Variants in WWOX observed in about 807,000 individuals in gnomAD.
WWOX encodes WW domain containing oxidoreductase, also known as WW domain-containing oxidoreductase.
WWOX carries 69 observed loss-of-function variants against 46.2 expected under a neutral mutation model. The observed-to-expected ratio is 1.49, with a 90% CI of 1.23 to 1.82. The LOEUF (loss-of-function observed/expected upper bound fraction) is 1.82, where lower values mean the gene tolerates loss of function less well. Among genes scored for constraint, WWOX ranks in the 40% most tolerant of loss-of-function variants. The pLI is 0.00. For synonymous variants in WWOX, 359 were observed against 202.6 expected (o/e 1.77, Z -6.56); for missense variants, 919 against 542.6 (o/e 1.69, Z -6.89).
rs138874679 is a variant in WWOX, at chr16:78,736,359, T to G, written c.1056+303607T>G. Among the ~76,000 whole-genome samples, 44 of 152,188 alleles carry G rather than the reference T, an allele frequency of 2.9e-4. No individual in the cohort carries two copies. The East Asian group carries it at 8.0e-3, about 28-fold the overall frequency. The stretch of plus-strand genomic sequence containing the variant: ...ACAAGGATGCCAGCAAAGTGAAATT[T>G]TCCAGAGAAGGTCACAAAAGCTAGG... On this transcript the variant is annotated intron_variant, in intron 8 of 8. Coordinates refer to ENST00000566780, the MANE Select transcript of WWOX (RefSeq NM_016373.4).
At chr16:78,524,865 C>CTT (rs370620034) in intron 8 of WWOX, among the ~76,000 whole-genome samples, 152 of 48,514 alleles carry the variant, frequency 3.1e-3, no homozygotes, top group Non-Finnish European at 5.1e-3. Flanking sequence ...GTTTTTCTTT[C>CTT]TTTTTTTTTT....
chr16:79,091,245 A>G (rs943610835), intron 8 of WWOX, among the ~76,000 whole-genome samples: 1 of 152,214 alleles, frequency 6.6e-6, no homozygotes, highest in Non-Finnish European at 1.5e-5. Flanking sequence ...AGCAAAAACA[A>G]AAAACTAAGT....
chr16:78,810,154 T>C (rs1448070747), intron 8 of WWOX, among the ~76,000 whole-genome samples: 1 of 152,200 alleles, frequency 6.6e-6, no homozygotes, highest in Non-Finnish European at 1.5e-5. Flanking sequence ...AATGGTCCTT[T>C]AATATTCTTC....
At chr16:78,565,609 C>T (rs1025714697) in intron 8 of WWOX, among the ~76,000 whole-genome samples, 1 of 152,202 alleles carries the variant, frequency 6.6e-6, no homozygotes, top group East Asian at 1.9e-4. Context: ...TTAATCACAT[C>T]TTCAGAGTCC....
At chr16:78,225,647 T>C (rs2037028999) in intron 5 of WWOX, among the ~76,000 whole-genome samples, 1 of 152,196 alleles carries the variant, frequency 6.6e-6, no homozygotes, top group Non-Finnish European at 1.5e-5. Context: ...AGGATCCAGC[T>C]GATTTTCTCC....
intron 8 of WWOX, among the ~76,000 whole-genome samples, chr16:78,749,707 C>G (rs370563555): frequency 1.3e-5 from 2 of 152,158 alleles, no homozygotes; most frequent in Non-Finnish European, 2.9e-5. Flanking sequence ...TAATATATAT[C>G]TGTGAAAATG....
At chr16:78,211,190 C>T (rs1189706365) in intron 5 of WWOX, among the ~76,000 whole-genome samples, 3 of 152,126 alleles carry the variant, frequency 2.0e-5, no homozygotes, top group Admixed American at 6.5e-5. Context: ...GAGTTTAATT[C>T]CCACGCTGCC....
At chr16:78,741,050 C>A (rs985924744) in intron 8 of WWOX, among the ~76,000 whole-genome samples, 2 of 152,148 alleles carry the variant, frequency 1.3e-5, no homozygotes, top group Non-Finnish European at 2.9e-5. Flanking sequence ...AGCAAAGTCC[C>A]TGTCCAGCCA....
At chr16:79,147,069 A>G (rs2150725997) in intron 8 of WWOX, among the ~76,000 whole-genome samples, 1 of 152,328 alleles carries the variant, frequency 6.6e-6, no homozygotes. Context: ...TATGGATCTT[A>G]TTCAGATTTC....
intron 6 of WWOX, among the ~76,000 whole-genome samples, chr16:78,400,430 G>C (rs754180286): frequency 3.9e-5 from 6 of 152,132 alleles, no homozygotes; most frequent in Non-Finnish European, 8.8e-5. Context: ...GCTGGGAATC[G>C]AACACTGCAG....
intron 5 of WWOX, among the ~76,000 whole-genome samples, chr16:78,335,827 C>T (rs1459283271): frequency 2.0e-5 from 3 of 152,052 alleles, no homozygotes; most frequent in Non-Finnish European, 1.5e-5. Context: ...CATGATGACT[C>T]ACATTTGTAA....
intron 8 of WWOX, among the ~76,000 whole-genome samples, chr16:78,945,965 A>G (rs1019126052): frequency 6.6e-6 from 1 of 152,044 alleles, no homozygotes; most frequent in Non-Finnish European, 1.5e-5. Flanking sequence ...TCAGGCTAAT[A>G]ATCACCTGTC....
At chr16:78,229,254 A>G (rs918437331) in intron 5 of WWOX, among the ~76,000 whole-genome samples, 1 of 110,532 alleles carries the variant, frequency 9.0e-6, no homozygotes, top group African/African-American at 2.9e-5. Flanking sequence ...TATATACAAG[A>G]AATGAAAAAA....
intron 8 of WWOX, among the ~76,000 whole-genome samples, chr16:79,067,983 C>T (rs1481333692): frequency 6.6e-6 from 1 of 152,166 alleles, no homozygotes; most frequent in East Asian, 1.9e-4. Flanking sequence ...AAAAAGCCTG[C>T]ACAAAAGCAG....
rs138664084 is a variant in WWOX, at chr16:79,158,483, C to T, written c.1057-53125C>T. Among the ~76,000 whole-genome samples the T allele has an allele frequency of 2.5e-3, 363 of 144,466 alleles. 3 individuals are homozygous for T. The highest frequency in any genetic ancestry group is 9.6e-3 in the African/African-American group (332 of 34,712). The allele number at this position is 144,466 out of a possible 152,430, so 94.8% of individuals were successfully genotyped here. On this transcript the variant is annotated intron_variant, in intron 8 of 8. Transcript: ENST00000566780. ...CTGCTTTAAACCCCTTCATGGCTTC[C>T]CACCACACTTACAAATACAACTCCT...
intron 8 of WWOX, among the ~76,000 whole-genome samples, chr16:79,167,193 C>T (rs372010755): frequency 2.0e-5 from 3 of 152,168 alleles, no homozygotes; most frequent in Admixed American, 6.6e-5. Context: ...CCACCCACCT[C>T]GGCCTCCCAA....
At chr16:78,333,667 T>A (rs1023367135) in intron 5 of WWOX, among the ~76,000 whole-genome samples, 1 of 152,164 alleles carries the variant, frequency 6.6e-6, no homozygotes, top group African/African-American at 2.4e-5. Flanking sequence ...AATACATACT[T>A]CATAAGCAGG....
intron 8 of WWOX, among the ~76,000 whole-genome samples, chr16:79,090,353 C>A (rs1040395234): frequency 6.6e-6 from 1 of 151,326 alleles, no homozygotes; most frequent in Non-Finnish European, 1.5e-5. Context: ...TAAAGCCATG[C>A]TCAGTATATA....
chr16:79,079,352 A>G (rs77537198), intron 8 of WWOX, among the ~76,000 whole-genome samples: 11,374 of 150,818 alleles, frequency 0.075, 504 homozygotes, highest in Middle Eastern at 0.097. Context: ...CCCCCCGACA[A>G]AAAAAAATAT....
Sources: allele counts gnomAD v4.1 joint callset (sites outside exome capture counted in the v4.1 genomes callset), GRCh38; gene constraint gnomAD v4.1.1; transcripts MANE v1.5; gene names NCBI Gene and HGNC (gene_info 2026-07-23, HGNC 2026-07-21).